The following PRPF3 variants were observed in gnomAD, a reference collection of about 807,000 sequenced individuals.
PRPF3 encodes U4/U6 small nuclear ribonucleoprotein Prp3.
In PRPF3, 3 loss-of-function variants were observed where a neutral mutation model predicts 89.2. The ratio of observed to expected loss-of-function variants is 0.03; its 90% CI spans 0.02 to 0.09. The LOEUF is 0.09. PRPF3 is among the 10% of genes least tolerant of loss of function. The pLI is 1.00. For missense variants in PRPF3, 463 were observed against 828.8 expected (o/e 0.56, Z 5.42); for synonymous variants, 270 against 289.1 (o/e 0.93, Z 0.67).
intron 1 of PRPF3, 118 bp from the exon 2 acceptor site, chr1:150,324,777 C>T: frequency 5.8e-6 from 4 of 692,894 alleles, no homozygotes; most frequent in South Asian, 3.5e-5. Flanking sequence ...GAACTCTTGA[C>T]CCCAGGCAGT....
At chr1:150,337,040 CTTTTT>C (rs35026026) in intron 7 of PRPF3, among the ~76,000 whole-genome samples, 2 of 121,270 alleles carry the variant, frequency 1.6e-5, no homozygotes, top group African/African-American at 6.2e-5. Flanking sequence ...CATAAAATTC[CTTTTT>C]TTTTTTTTTT....
intron 4 of PRPF3, among the ~76,000 whole-genome samples, chr1:150,332,443 T>C: frequency 6.6e-6 from 1 of 152,174 alleles, no homozygotes; most frequent in East Asian, 1.9e-4. Context: ...CTCCAGAGTC[T>C]CAATCATCAC....
intron 3 of PRPF3, 146 bp from the exon 4 acceptor site, chr1:150,328,174 G>A: frequency 2.4e-6 from 2 of 819,042 alleles, no homozygotes; most frequent in Non-Finnish European, 4.0e-6. Context: ...GAGTCTAGTA[G>A]ACCCTGCTTC....
At chr1:150,336,274 C>T (rs587668316) in intron 7 of PRPF3, among the ~76,000 whole-genome samples, 2 of 152,104 alleles carry the variant, frequency 1.3e-5, no homozygotes, top group East Asian at 1.9e-4. Flanking sequence ...CAATAGGGTT[C>T]GCGCTCCTCT....
At chr1:150,326,707 T>G (rs1174348746) in intron 3 of PRPF3, among the ~76,000 whole-genome samples, 2 of 151,408 alleles carry the variant, frequency 1.3e-5, no homozygotes, top group African/African-American at 4.8e-5. Flanking sequence ...GAGAGATTTG[T>G]GCCCTTTGTG....
At position 150,335,336 on chromosome 1, in the gene PRPF3, A is replaced by T. The variant is rs587675323; in HGVS notation, c.1035+95A>T. On this transcript the variant is annotated intron_variant, in intron 7 of 15. Transcript: ENST00000324862. ...CTCTGTGTTCTAGGAAATTAGATAA[A>T]TAGGTCATTTAAAGCAGCAGTCCTC... The T allele has an allele frequency of 1.2e-5, 17 of 1,422,926 alleles. No individual in the cohort carries two copies. In the African/African-American group the frequency reaches 2.4e-4, roughly 20 times the overall value. 88.1% of individuals were successfully genotyped at this position (1,422,926 alleles called of 1,614,324 possible).
intron 7 of PRPF3, among the ~76,000 whole-genome samples, chr1:150,337,396 G>A (rs1572235867): frequency 6.6e-6 from 1 of 152,098 alleles, no homozygotes; most frequent in East Asian, 1.9e-4. Context: ...GCAGGGAGGG[G>A]TTGAAGGTGA....
At chr1:150,335,567 G>A (rs1310097542) in intron 7 of PRPF3, among the ~76,000 whole-genome samples, 1 of 152,158 alleles carries the variant, frequency 6.6e-6, no homozygotes, top group Non-Finnish European at 1.5e-5. Flanking sequence ...CCAGGTTCAA[G>A]TGATTCTCCT....
At chr1:150,348,232 G>A (rs1200066365) in intron 14 of PRPF3, among the ~76,000 whole-genome samples, 2 of 151,446 alleles carry the variant, frequency 1.3e-5, no homozygotes, top group African/African-American at 4.8e-5. Context: ...ATACAAAAAT[G>A]AGCTGGGCGT....
At position 150,338,169 on chromosome 1, in the gene PRPF3, G is replaced by A. The variant is rs1052290008; in HGVS notation, c.1045G>A (p.Glu349Lys). 6.2e-7 allele frequency: 1 copy of A among 1,613,966 alleles called. No individual in the cohort carries two copies. The change falls in exon 8 of 16, where the codon GAG becomes AAG. Residue 349 changes from glutamate (E) to lysine (K), a missense_variant. Transcript: ENST00000324862. Reference sequence around the variant, plus strand: ...ATTATCTTGTTTTTAGGCTCAACTGGAGAAGCTACAGGCAGAGATTTCACA... The same window carrying A: ...ATTATCTTGTTTTTAGGCTCAACTGAAGAAGCTACAGGCAGAGATTTCACA... ...AQRLRTKAQL[E>K]KLQAEISQAA...
chr1:150,351,915 T>C (rs1473981486), intron 15 of PRPF3, among the ~76,000 whole-genome samples: 1 of 151,978 alleles, frequency 6.6e-6, no homozygotes, highest in Non-Finnish European at 1.5e-5. Context: ...AGTATTAATG[T>C]TGTAGGAATT....
rs1657989577 is a variant in PRPF3 at position 150,343,470 on chromosome 1, C to G, written c.1426+18C>G. The G allele has an allele frequency of 6.2e-7, 1 of 1,612,616 alleles. No individual in the cohort carries two copies. ...ACCCAAAGGTGCATTTCTCAGTGGC[C>G]TCTTCTGTTAAAAAGAGTGGCAAGT... On this transcript the variant is annotated intron_variant, in intron 10 of 15. Coordinates refer to ENST00000324862, the MANE Select transcript of PRPF3 (RefSeq NM_004698.4).
chr1:150,323,108 C>T (rs919993183), intron 1 of PRPF3, among the ~76,000 whole-genome samples: 14 of 146,896 alleles, frequency 9.5e-5, no homozygotes, highest in African/African-American at 3.2e-4. Flanking sequence ...CTCCTGACGT[C>T]AGATAATCCA....
chr1:150,344,347 A>T, intron 11 of PRPF3, 86 bp downstream of exon 11: 1 of 1,613,860 alleles, frequency 6.2e-7, no homozygotes. Context: ...GGGAGGGGAG[A>T]GTTCTCCGTT....
chr1:150,349,889 G>A (rs1405743759), intron 15 of PRPF3, among the ~76,000 whole-genome samples: 1 of 117,026 alleles, frequency 8.5e-6, no homozygotes, highest in Non-Finnish European at 1.9e-5. Flanking sequence ...TTTTGGGGGC[G>A]GGGGGGCGGG....
intron 8 of PRPF3, among the ~76,000 whole-genome samples, chr1:150,339,803 A>C (rs587646656): frequency 6.9e-6 from 1 of 144,092 alleles, no homozygotes; most frequent in Admixed American, 7.2e-5. Flanking sequence ...GGCTCGCTGC[A>C]ACCTCTGTCT....
chr1:150,344,093 A>G (rs1658050430), intron 10 of PRPF3, 69 bp from the exon 11 acceptor site: 2 of 1,342,772 alleles, frequency 1.5e-6, no homozygotes. Flanking sequence ...TTGGTATGGA[A>G]GAAATAACAA....
intron 14 of PRPF3, 83 bp from the exon 15 acceptor site, chr1:150,349,069 ATATTT>A: frequency 9.2e-7 from 1 of 1,081,832 alleles, no homozygotes; most frequent in Non-Finnish European, 1.4e-6. Flanking sequence ...AAGGGTGATA[ATATTT>A]TAGAGAGTTT....
chr1:150,327,507 C>A, intron 3 of PRPF3: 1 of 938,826 alleles, frequency 1.1e-6, no homozygotes, highest in Non-Finnish European at 1.3e-6. Flanking sequence ...CCATTCAGGT[C>A]CCCACCCCAC....
Sources: gnomAD v4.1 joint callset for allele counts (sites outside exome capture counted in the v4.1 genomes callset) on GRCh38, gnomAD v4.1.1 for gene constraint, MANE v1.5 for transcripts, NCBI Gene and HGNC (gene_info 2026-07-23, HGNC 2026-07-21) for gene names.